GABRA5: variants seen among roughly 807,000 people sequenced by gnomAD.
The protein encoded by GABRA5 is gamma-aminobutyric acid receptor subunit alpha-5.
A neutral mutation model predicts 47.3 loss-of-function variants in GABRA5; 18 were observed. The ratio of observed to expected loss-of-function variants is 0.38; its 90% CI spans 0.26 to 0.56. The LOEUF is 0.56. Ranked by LOEUF, GABRA5 falls within the 20% of genes least tolerant of loss-of-function variation. The probability of loss-of-function intolerance (pLI) is 0.71; values close to 1 mark genes in which losing one functional copy is unlikely to be tolerated. For missense variants in GABRA5, 365 were observed against 599.3 expected, an observed-to-expected ratio of 0.61 and a Z score of 4.08; for synonymous variants, 237 against 229.3, an observed-to-expected ratio of 1.03 and a Z score of -0.30.
chr15:26,871,250 A>G (rs1264518768), intron 3 of GABRA5, among the ~76,000 whole-genome samples: 1 of 152,246 alleles, frequency 6.6e-6, no homozygotes, highest in East Asian at 1.9e-4. Context: ...AGCCAAATGT[A>G]TTATGAATTT....
intron 7 of GABRA5, among the ~76,000 whole-genome samples, chr15:26,930,016 T>TTTTTTTG (rs1555392977): frequency 8.6e-5 from 11 of 128,446 alleles, no homozygotes; most frequent in South Asian, 2.6e-4. Flanking sequence ...CTTTTTTTTT[T>TTTTTTTG]TTTTTTGTTT....
intron 6 of GABRA5, among the ~76,000 whole-genome samples, chr15:26,894,747 G>C (rs1333250976): frequency 6.6e-6 from 1 of 152,086 alleles, no homozygotes; most frequent in African/African-American, 2.4e-5. Context: ...CTATTTTGCA[G>C]GTGATGGAAC....
At chr15:26,924,108 C>T (rs570995711) in intron 7 of GABRA5, among the ~76,000 whole-genome samples, 90 of 148,296 alleles carry the variant, frequency 6.1e-4, no homozygotes, top group Non-Finnish European at 8.9e-4. Context: ...CTTGGTTTGA[C>T]GAATAATTTT....
At chr15:26,942,030 C>G (rs1226613772) in intron 9 of GABRA5, among the ~76,000 whole-genome samples, 2 of 152,232 alleles carry the variant, frequency 1.3e-5, no homozygotes, top group African/African-American at 4.8e-5. Context: ...ATCGCCCACA[C>G]AGGTGCACGC....
At chr15:26,929,101 T>A (rs1894030414) in intron 7 of GABRA5, among the ~76,000 whole-genome samples, 1 of 152,220 alleles carries the variant, frequency 6.6e-6, no homozygotes, top group Admixed American at 6.5e-5. Flanking sequence ...TCTTCTCACA[T>A]GGTTTCAGTC....
intron 8 of GABRA5, 55 bp from the exon 9 acceptor site, chr15:26,939,870 A>G: frequency 1.3e-6 from 2 of 1,591,750 alleles, no homozygotes; most frequent in Non-Finnish European, 1.7e-6. Context: ...AACTCCTTGG[A>G]TGCAGCAAGC....
chr15:26,871,404 G>C (rs528986000), intron 3 of GABRA5, among the ~76,000 whole-genome samples: 51 of 152,164 alleles, frequency 3.4e-4, no homozygotes, highest in Non-Finnish European at 6.2e-4. Flanking sequence ...CTTCAAAATA[G>C]AGGGGTATCT....
intron 8 of GABRA5, 54 bp downstream of exon 8, chr15:26,937,382 TG>T: frequency 6.6e-7 from 1 of 1,523,098 alleles, no homozygotes; most frequent in Non-Finnish European, 8.8e-7. Flanking sequence ...ACCACACCCT[TG>T]GAGAGCTTGC....
At chr15:26,881,307 T>TA (rs1336598084) in intron 4 of GABRA5, among the ~76,000 whole-genome samples, 4 of 152,216 alleles carry the variant, frequency 2.6e-5, no homozygotes, top group African/African-American at 9.6e-5. Context: ...TTTTAGGCGT[T>TA]ACTAAAGCTG....
chr15:26,901,464 G>A (rs1472823481), intron 6 of GABRA5, among the ~76,000 whole-genome samples: 2 of 152,116 alleles, frequency 1.3e-5, no homozygotes, highest in East Asian at 3.9e-4. Context: ...GTCTTTTTTA[G>A]TAAGATGTTT....
At chr15:26,881,887 A>G (rs1892737083) in intron 4 of GABRA5, among the ~76,000 whole-genome samples, 1 of 152,148 alleles carries the variant, frequency 6.6e-6, no homozygotes, top group South Asian at 2.1e-4. Context: ...TTTAGTAGAG[A>G]TGGGGTTTCA....
intron 7 of GABRA5, among the ~76,000 whole-genome samples, chr15:26,917,855 T>A (rs906906070): frequency 6.6e-6 from 1 of 152,120 alleles, no homozygotes; most frequent in African/African-American, 2.4e-5. Flanking sequence ...CATATAATTG[T>A]TCATTGTTGT....
chr15:26,875,150 CAG>C (rs1224633115), intron 3 of GABRA5, among the ~76,000 whole-genome samples: 1 of 152,208 alleles, frequency 6.6e-6, no homozygotes, highest in Non-Finnish European at 1.5e-5. Flanking sequence ...AGGTCTGTGT[CAG>C]GGGAGGGTAT....
intron 6 of GABRA5, among the ~76,000 whole-genome samples, chr15:26,912,193 A>G (rs7172750): frequency 0.49 from 74,348 of 152,088 alleles, 18,458 homozygotes; most frequent in Middle Eastern, 0.58. Flanking sequence ...TCGTGTGCTC[A>G]TCTTCACATT....
Position 26,932,756 on chromosome 15 carries a change from A to G in GABRA5, c.581-4429A>G, listed in dbSNP as rs150792140. Among the ~76,000 whole-genome samples the G allele has an allele frequency of 3.9e-5, 6 of 152,370 alleles. No homozygotes were observed. In the East Asian group the frequency reaches 1.2e-3, roughly 29 times the overall value. On this transcript the variant is annotated intron_variant, in intron 7 of 10. Transcript: ENST00000335625. ...AGACTGGATAAGGAAAACGTGGTAC[A>G]TATATACCGTGGAATACTGTGCGGC...
chr15:26,880,638 A>G (rs1336511784), intron 3 of GABRA5: 1 of 453,990 alleles, frequency 2.2e-6, no homozygotes, highest in Non-Finnish European at 3.9e-6. Context: ...AGGTGGTTGG[A>G]TAACTAGCCC....
intron 6 of GABRA5, among the ~76,000 whole-genome samples, chr15:26,904,588 A>G (rs148892885): frequency 0.014 from 2,074 of 152,232 alleles, 100 homozygotes; most frequent in South Asian, 0.12. Context: ...AATTCTTCCT[A>G]TCCATGAGCA....
intron 6 of GABRA5, among the ~76,000 whole-genome samples, chr15:26,903,321 T>A (rs1595412317): frequency 6.6e-6 from 1 of 152,182 alleles, no homozygotes; most frequent in African/African-American, 2.4e-5. Context: ...TATTCCATGG[T>A]GTATATGTAC....
chr15:26,947,904 G>C (rs966765911), intron 10 of GABRA5, 30 bp from the exon 11 acceptor site: 1 of 1,540,038 alleles, frequency 6.5e-7, no homozygotes, highest in African/African-American at 1.4e-5. Context: ...TGCAAATGGC[G>C]TGTCCTTACA....
Sources: gnomAD v4.1 joint callset for allele counts (sites outside exome capture counted in the v4.1 genomes callset) on GRCh38, gnomAD v4.1.1 for gene constraint, MANE v1.5 for transcripts, NCBI Gene and HGNC (gene_info 2026-07-23, HGNC 2026-07-21) for gene names.